Variants in LHFPL6 observed in about 807,000 individuals in gnomAD.
The protein encoded by LHFPL6 is LHFPL tetraspan subfamily member 6.
LHFPL6 carries 9 observed loss-of-function variants against 20.6 expected under a neutral mutation model. That is an observed-to-expected ratio of 0.44 (90% CI 0.26 to 0.76). LHFPL6 has a LOEUF of 0.76. Ranked by LOEUF, LHFPL6 falls within the 30% of genes least tolerant of loss-of-function variation. The pLI, the probability that LHFPL6 is intolerant of heterozygous loss-of-function variation, is 0.20. For missense variants in LHFPL6, 218 were observed against 253.5 expected (o/e 0.86, Z 0.95); for synonymous variants, 105 against 98.7 (o/e 1.06, Z -0.38).
At chr13:39,491,331 G>A (rs936027820) in intron 2 of LHFPL6, among the ~76,000 whole-genome samples, 1 of 152,130 alleles carries the variant, frequency 6.6e-6, no homozygotes, top group South Asian at 2.1e-4. Flanking sequence ...TTCGCGTAAG[G>A]GATAACTCAG....
At chr13:39,505,638 T>G (rs974340263) in intron 2 of LHFPL6, among the ~76,000 whole-genome samples, 1 of 152,162 alleles carries the variant, frequency 6.6e-6, no homozygotes, top group Non-Finnish European at 1.5e-5. Context: ...TTTTCTGATA[T>G]AACTATCCAG....
At chr13:39,504,403 C>T (rs8002574) in intron 2 of LHFPL6, among the ~76,000 whole-genome samples, 20,802 of 152,080 alleles carry the variant, frequency 0.14, 1,588 homozygotes, top group South Asian at 0.23. Flanking sequence ...AGAAGATTTC[C>T]TCGCTGTATT....
chr13:39,549,790 T>C (rs1021276164), intron 2 of LHFPL6, among the ~76,000 whole-genome samples: 3 of 152,094 alleles, frequency 2.0e-5, no homozygotes, highest in African/African-American at 7.3e-5. Flanking sequence ...CTGACACATA[T>C]GATACCAAAA....
rs1871140930 is a variant in LHFPL6, at chr13:39,551,340, A to T, written c.385+49492T>A. Reference sequence around the variant, plus strand: ...GACCAGATTCACTTTATAACAACCCACTCTTGAGTTAACTAACCCACTCCT... The same window carrying T: ...GACCAGATTCACTTTATAACAACCCTCTCTTGAGTTAACTAACCCACTCCT... On this transcript the variant is annotated intron_variant, in intron 2 of 3. Transcript: ENST00000379589. 2.0e-5 allele frequency among the ~76,000 whole-genome samples: 3 copies of T among 151,846 alleles called. No individual in the cohort carries two copies. The South Asian group carries it at 6.3e-4, about 32-fold the overall frequency.
intron 2 of LHFPL6, among the ~76,000 whole-genome samples, chr13:39,470,999 TAGTTGAGGAAAA>T (rs1872929717): frequency 2.0e-5 from 3 of 152,174 alleles, no homozygotes; most frequent in African/African-American, 7.2e-5. Context: ...ATGAACTACA[TAGTTGAGGAAAA>T]CCATGAACTA....
intron 2 of LHFPL6, among the ~76,000 whole-genome samples, chr13:39,400,384 T>G (rs1020613291): frequency 1.3e-5 from 2 of 152,210 alleles, no homozygotes; most frequent in African/African-American, 4.8e-5. Context: ...GGCTGGTGGC[T>G]TCCATACTAG....
intron 2 of LHFPL6, among the ~76,000 whole-genome samples, chr13:39,474,626 A>G (rs2138439611): frequency 6.6e-6 from 1 of 152,346 alleles, no homozygotes; most frequent in South Asian, 2.1e-4. Context: ...ATGTAATGCC[A>G]TGACACACTA....
intron 3 of LHFPL6, among the ~76,000 whole-genome samples, chr13:39,371,483 A>G (rs1362676170): frequency 6.6e-6 from 1 of 152,238 alleles, no homozygotes; most frequent in Admixed American, 6.5e-5. Flanking sequence ...GTCCAACTGC[A>G]AACATTACTG....
intron 2 of LHFPL6, among the ~76,000 whole-genome samples, chr13:39,490,897 G>C (rs766342249): frequency 6.6e-6 from 1 of 152,078 alleles, no homozygotes; most frequent in African/African-American, 2.4e-5. Flanking sequence ...TTAAATCCAA[G>C]TACTTCCGAT....
intron 2 of LHFPL6, among the ~76,000 whole-genome samples, chr13:39,544,613 C>A (rs180877208): frequency 3.8e-4 from 57 of 151,426 alleles, no homozygotes; most frequent in African/African-American, 1.4e-3. Flanking sequence ...CTTAAATGAA[C>A]AGAAACCCTC....
At chr13:39,598,966 A>G (rs1204200132) in intron 2 of LHFPL6, among the ~76,000 whole-genome samples, 1 of 152,216 alleles carries the variant, frequency 6.6e-6, no homozygotes, top group East Asian at 1.9e-4. Flanking sequence ...AAAAATATAT[A>G]TAATTTCCCC....
chr13:39,399,801 T>A (rs946478098), intron 2 of LHFPL6, among the ~76,000 whole-genome samples: 1 of 152,078 alleles, frequency 6.6e-6, no homozygotes, highest in African/African-American at 2.4e-5. Context: ...ATAAGAAAAT[T>A]CATAAAACTA....
At chr13:39,566,274 C>A (rs956326301) in intron 2 of LHFPL6, among the ~76,000 whole-genome samples, 5 of 152,176 alleles carry the variant, frequency 3.3e-5, no homozygotes, top group African/African-American at 1.2e-4. Context: ...CTAACTCATT[C>A]ATTTTTGTTA....
intron 3 of LHFPL6, among the ~76,000 whole-genome samples, chr13:39,371,403 C>G (rs1870163789): frequency 6.6e-6 from 1 of 152,138 alleles, no homozygotes. Flanking sequence ...TGGGTAAACC[C>G]AAACTTACTG....
At chr13:39,557,613 A>C (rs1871344931) in intron 2 of LHFPL6, among the ~76,000 whole-genome samples, 2 of 152,254 alleles carry the variant, frequency 1.3e-5, no homozygotes, top group Admixed American at 1.3e-4. Flanking sequence ...TGTGTTTTAC[A>C]ACGTGAGAAG....
At chr13:39,485,623 T>G (rs1868697540) in intron 2 of LHFPL6, among the ~76,000 whole-genome samples, 1 of 152,194 alleles carries the variant, frequency 6.6e-6, no homozygotes, top group African/African-American at 2.4e-5. Context: ...TATGTGCTTC[T>G]TGGCTTCCAC....
chr13:39,400,590 C>T (rs992235189), intron 2 of LHFPL6, among the ~76,000 whole-genome samples: 2 of 151,246 alleles, frequency 1.3e-5, no homozygotes, highest in East Asian at 2.0e-4. Context: ...GAGACCATCC[C>T]GGCTAAAACG....
At chr13:39,437,544 C>G (rs1871995395) in intron 2 of LHFPL6, among the ~76,000 whole-genome samples, 2 of 152,174 alleles carry the variant, frequency 1.3e-5, no homozygotes, top group African/African-American at 2.4e-5. Flanking sequence ...CCTGAAGAAC[C>G]ACGAACCAAT....
intron 2 of LHFPL6, among the ~76,000 whole-genome samples, chr13:39,498,438 T>C (rs1869171214): frequency 6.6e-6 from 1 of 152,204 alleles, no homozygotes; most frequent in South Asian, 2.1e-4. Flanking sequence ...TATCTACACA[T>C]AGAACAGTAG....
Sources: gnomAD v4.1 joint callset for allele counts (sites outside exome capture counted in the v4.1 genomes callset) on GRCh38, gnomAD v4.1.1 for gene constraint, MANE v1.5 for transcripts, NCBI Gene and HGNC (gene_info 2026-07-23, HGNC 2026-07-21) for gene names.